The following DPYSL2 variants were observed in gnomAD, a reference collection of about 807,000 sequenced individuals.
DPYSL2 encodes the protein dihydropyrimidinase like 2, also known as dihydropyrimidinase-related protein 2.
Under a neutral mutation model 69.9 loss-of-function variants are expected in DPYSL2, and 13 were observed. That is an observed-to-expected ratio of 0.19 (90% CI 0.12 to 0.30). The LOEUF (loss-of-function observed/expected upper bound fraction) is 0.30, where lower values mean the gene tolerates loss of function less well. DPYSL2 is among the 10% of genes least tolerant of loss of function. The pLI is 1.00. For missense variants in DPYSL2, 587 were observed against 918.9 expected (o/e 0.64, Z 4.67); for synonymous variants, 326 against 359.1 (o/e 0.91, Z 1.04).
At chr8:26,550,989 C>T (rs1716055324) in intron 1 of DPYSL2, among the ~76,000 whole-genome samples, 1 of 152,152 alleles carries the variant, frequency 6.6e-6, no homozygotes, top group African/African-American at 2.4e-5. Flanking sequence ...TCCAGGCCCC[C>T]AGTCAGTTGG....
chr8:26,521,043 G>A (rs568650228), intron 1 of DPYSL2, among the ~76,000 whole-genome samples: 1 of 152,180 alleles, frequency 6.6e-6, no homozygotes, highest in Non-Finnish European at 1.5e-5. Flanking sequence ...TTTTGGAGAA[G>A]GGAACACAAA....
Position 26,647,650 on chromosome 8 carries a change from G to A in DPYSL2, c.1446G>A (p.Glu482=), listed in dbSNP as rs769845478. The part of the protein sequence containing the change: ...DKAVVTGKMD[E]NQFVAVTSTN... ...CTCAGGTCACTGGGAAGATGGATGAGAACCAGTTTGTGGCTGTGACCAGCA... is the reference window on the plus strand; with the variant it reads ...CTCAGGTCACTGGGAAGATGGATGAAAACCAGTTTGTGGCTGTGACCAGCA... The change falls in exon 11 of 14, where the codon GAG becomes GAA. Residue 482 remains glutamate, a synonymous_variant. Coordinates refer to ENST00000521913, the MANE Select transcript of DPYSL2 (RefSeq NM_001197293.3). This position sits in a 1 kb window ranked among gnomAD's most constrained non-coding sequence, Gnocchi z 5.1. The A allele has an allele frequency of 6.2e-7, 1 of 1,613,384 alleles. No homozygotes were observed. Among genetic ancestry groups the A allele is most frequent in the African/African-American group, 1.3e-5 (1 of 74,912 alleles).
chr8:26,520,016 A>G (rs1808359376), intron 1 of DPYSL2, among the ~76,000 whole-genome samples: 2 of 152,174 alleles, frequency 1.3e-5, no homozygotes, highest in Admixed American at 1.3e-4. Flanking sequence ...TAATTCCCAC[A>G]TGTTGTGGGA....
At chr8:26,549,017 C>T (rs549753193) in intron 1 of DPYSL2, among the ~76,000 whole-genome samples, 5 of 151,994 alleles carry the variant, frequency 3.3e-5, no homozygotes, top group South Asian at 2.1e-4. Context: ...GGGGAAGCCC[C>T]GTCCCTACTA....
At chr8:26,633,056 A>G (rs560500807) in intron 7 of DPYSL2, among the ~76,000 whole-genome samples, 1 of 152,378 alleles carries the variant, frequency 6.6e-6, no homozygotes, top group South Asian at 2.1e-4. Context: ...TAACCAATTC[A>G]GTTATAGGGG....
rs1213506197 is a variant in DPYSL2, at chr8:26,617,792, A to C, written c.629-6351A>C. Reference sequence around the variant, plus strand: ...CATTGATAGGAAATGTCCTGAATAAACAAATCTATGGAGACGGGAAGTAGA... The same window carrying C: ...CATTGATAGGAAATGTCCTGAATAACCAAATCTATGGAGACGGGAAGTAGA... On this transcript the variant is annotated intron_variant, in intron 3 of 13. Transcript: ENST00000521913. This position sits in a 1 kb window ranked among gnomAD's most constrained non-coding sequence, Gnocchi z 4.7. Among the ~76,000 whole-genome samples the C allele has an allele frequency of 6.6e-6, 1 of 152,216 alleles. No homozygotes were observed. Among genetic ancestry groups the C allele is most frequent in the Non-Finnish European group, 1.5e-5 (1 of 68,038 alleles).
At chr8:26,518,814 A>G (rs563243676) in intron 1 of DPYSL2, among the ~76,000 whole-genome samples, 67 of 152,374 alleles carry the variant, frequency 4.4e-4, no homozygotes, top group African/African-American at 1.5e-3. Flanking sequence ...TATTTCTATA[A>G]TTAGTTAAAT....
chr8:26,544,682 G>A (rs1029866673), intron 1 of DPYSL2, among the ~76,000 whole-genome samples: 1 of 152,168 alleles, frequency 6.6e-6, no homozygotes, highest in African/African-American at 2.4e-5. Context: ...TGGACGTGAT[G>A]TTATCATTTT....
At position 26,514,141 on chromosome 8, in the gene DPYSL2, C is replaced by G. The variant is rs1290657566; in HGVS notation, c.-185C>G. ...TGGGCAGGGAGGGGAGAAGCGGGGT[C>G]AGGGGGAGGGACCGGGAGGGTGGGT... On this transcript the variant is annotated 5_prime_UTR_variant, in exon 1 of 14. Transcript: ENST00000521913. The surrounding 1 kb of genome is among the most constrained non-coding windows in gnomAD (Gnocchi z 8.4). The G allele has an allele frequency of 4.5e-6, 2 of 445,474 alleles. No homozygotes were observed. The highest frequency in any genetic ancestry group is 4.1e-5 in the African/African-American group (2 of 49,090). The allele number at this position is 445,474 out of a possible 1,614,324, so 27.6% of individuals were successfully genotyped here.
At chr8:26,639,835 T>C (rs577236833) in intron 8 of DPYSL2, among the ~76,000 whole-genome samples, 1 of 152,266 alleles carries the variant, frequency 6.6e-6, no homozygotes, top group South Asian at 2.1e-4. Context: ...CGTAGAATCA[T>C]TAGTGCCTTT....
chr8:26,613,190 G>C (rs1802274261), intron 3 of DPYSL2, among the ~76,000 whole-genome samples: 1 of 152,208 alleles, frequency 6.6e-6, no homozygotes, highest in African/African-American at 2.4e-5. Context: ...GGGATGAAAA[G>C]CCCAAGATAC....
At chr8:26,583,001 T>C (rs1214183107) in intron 2 of DPYSL2, among the ~76,000 whole-genome samples, 1 of 152,202 alleles carries the variant, frequency 6.6e-6, no homozygotes, top group Non-Finnish European at 1.5e-5. Flanking sequence ...GACTTTGATG[T>C]TCCATTTTCC....
chr8:26,542,492 G>A (rs1304565463), intron 1 of DPYSL2, among the ~76,000 whole-genome samples: 1 of 151,920 alleles, frequency 6.6e-6, no homozygotes, highest in East Asian at 1.9e-4. Flanking sequence ...CATGATCATA[G>A]GTCACTGGAA....
intron 3 of DPYSL2, among the ~76,000 whole-genome samples, chr8:26,589,666 G>C (rs1039620432): frequency 6.6e-6 from 1 of 152,244 alleles, no homozygotes; most frequent in East Asian, 1.9e-4. Context: ...TGGTCATGGT[G>C]GGGGAGGGTG....
intron 1 of DPYSL2, among the ~76,000 whole-genome samples, chr8:26,531,794 G>GA (rs1353665856): frequency 2.6e-5 from 4 of 151,582 alleles, no homozygotes; most frequent in African/African-American, 4.8e-5. Context: ...ATTAAAGGCA[G>GA]AAAAAAAATG....
rs915625703 is a variant in DPYSL2 at position 26,650,302 on chromosome 8, G to A, written c.1597-1955G>A. Among the ~76,000 whole-genome samples, 1 of 152,188 alleles carries A rather than the reference G, an allele frequency of 6.6e-6. No homozygotes were observed. Among genetic ancestry groups the A allele is most frequent in the Admixed American group, 6.5e-5 (1 of 15,282 alleles). On this transcript the variant is annotated intron_variant, in intron 11 of 13. Transcript: ENST00000521913. The surrounding 1 kb of genome is among the most constrained non-coding windows in gnomAD (Gnocchi z 5.3). ...GTGAACCCAGGGCAGATGTCTCCAT[G>A]GCCGAGGCTGCGCCCATACTCTACC...
chr8:26,624,367 A>T lies in DPYSL2; in HGVS notation c.793+60A>T. ...TTTCCGCTTCAGTCCATCAACTGGC[A>T]CAGCCCTGGGAAGAAAGTGATAATG... On this transcript the variant is annotated intron_variant, in intron 4 of 13. Transcript: ENST00000521913. This position sits in a 1 kb window ranked among gnomAD's most constrained non-coding sequence, Gnocchi z 4.7. The T allele has an allele frequency of 6.3e-7, 1 of 1,581,636 alleles. No individual in the cohort carries two copies. The highest frequency in any genetic ancestry group is 1.2e-5 in the South Asian group (1 of 86,850).
rs192000443 is a variant in DPYSL2 at position 26,619,840 on chromosome 8, G to C, written c.629-4303G>C. The C allele has an allele frequency of 6.6e-6, 1 of 152,430 alleles. No individual in the cohort carries two copies. Among genetic ancestry groups the C allele is most frequent in the East Asian group, 1.9e-4 (1 of 5,178 alleles). The allele number at this position is 152,430 out of a possible 1,614,324, so 9.4% of individuals were successfully genotyped here. Reference sequence around the variant, plus strand: ...CAAAGTGCTGGGATTATAGGCATGCGCCACTGCACCTGGCCAGAACCTGTG... The same window carrying C: ...CAAAGTGCTGGGATTATAGGCATGCCCCACTGCACCTGGCCAGAACCTGTG... On this transcript the variant is annotated intron_variant, in intron 3 of 13. Transcript: ENST00000521913. The surrounding 1 kb of genome is among the most constrained non-coding windows in gnomAD (Gnocchi z 4.8).
intron 1 of DPYSL2, among the ~76,000 whole-genome samples, chr8:26,559,166 C>A (rs1325942106): frequency 6.6e-6 from 1 of 152,290 alleles, no homozygotes; most frequent in East Asian, 1.9e-4. Context: ...TGGTCTCGAA[C>A]TCCTGAGCTC....
Sources: gnomAD v4.1 joint callset for allele counts (sites outside exome capture counted in the v4.1 genomes callset) on GRCh38, gnomAD v4.1.1 for gene constraint, Gnocchi (gnomAD v3.1) non-coding constraint, MANE v1.5 for transcripts, NCBI Gene and HGNC (gene_info 2026-07-23, HGNC 2026-07-21) for gene names.